The following WDR26 variants were observed in gnomAD, a reference collection of about 807,000 sequenced individuals.
WDR26 encodes WD repeat domain 26.
Under a neutral mutation model 84.1 loss-of-function variants are expected in WDR26, and 5 were observed. The observed-to-expected ratio is 0.06, with a 90% CI of 0.03 to 0.13. The LOEUF (loss-of-function observed/expected upper bound fraction) is 0.13, where lower values mean the gene tolerates loss of function less well. Ranked by LOEUF, WDR26 falls within the 10% of genes least tolerant of loss-of-function variation. The pLI is 1.00. For missense variants in WDR26, 642 were observed against 974.9 expected, an observed-to-expected ratio of 0.66 and a Z score of 4.55; for synonymous variants, 415 against 389.6, an observed-to-expected ratio of 1.07 and a Z score of -0.77.
chr1:224,399,711 AAT>A, intron 9 of WDR26, among the ~76,000 whole-genome samples: 1 of 152,252 alleles, frequency 6.6e-6, no homozygotes, highest in Non-Finnish European at 1.5e-5. Flanking sequence ...ATATTGAGAT[AAT>A]ATAACACCAA....
rs1673735395 is a variant in WDR26, at chr1:224,411,513, C to T, written c.1372G>A (p.Val458Met). 6.2e-7 allele frequency: 1 copy of T among 1,613,364 alleles called. No individual in the cohort carries two copies. Among genetic ancestry groups the T allele is most frequent in the African/African-American group, 1.3e-5 (1 of 75,012 alleles). The change falls in exon 7 of 14, where the codon GTG becomes ATG. Residue 458 changes from valine (V) to methionine (M), a missense_variant. Physicochemically the swap from Val to Met is conservative, Grantham distance 21. Around this residue, in one of 2 missense-constraint regions of WDR26, gnomAD observed 351 missense variants for 672.8 expected, o/e 0.52. Coordinates refer to ENST00000414423, the MANE Select transcript of WDR26 (RefSeq NM_001379403.1). ...TCATTAGAGAATTTACAGAACCACA[C>T]TTCATTACAATGCTCCGTAAGTATC...
intron 11 of WDR26, 97 bp downstream of exon 11, chr1:224,398,418 G>A (rs1673319696): frequency 7.0e-6 from 9 of 1,283,568 alleles, no homozygotes; most frequent in Admixed American, 2.7e-5. Context: ...TTAAGGGTAA[G>A]TAGAAAATTT....
intron 13 of WDR26, among the ~76,000 whole-genome samples, chr1:224,391,380 A>C (rs1379605063): frequency 1.2e-4 from 13 of 107,014 alleles, no homozygotes; most frequent in Admixed American, 8.3e-4. Context: ...AAAAAAAAAA[A>C]AAACAAAAAA....
At chr1:224,400,195 T>A (rs1233811419) in intron 9 of WDR26, among the ~76,000 whole-genome samples, 1 of 152,108 alleles carries the variant, frequency 6.6e-6, no homozygotes, top group African/African-American at 2.4e-5. Context: ...AGCTACTTAT[T>A]AGAAGCTGAC....
intron 7 of WDR26, among the ~76,000 whole-genome samples, chr1:224,408,173 T>G (rs1009030579): frequency 1.3e-5 from 2 of 152,224 alleles, no homozygotes; most frequent in Non-Finnish European, 2.9e-5. Context: ...TACCTAAAAC[T>G]CTTCCCCCAA....
At chr1:224,406,013 C>CA (rs1673540079) in intron 7 of WDR26, among the ~76,000 whole-genome samples, 1 of 151,948 alleles carries the variant, frequency 6.6e-6, no homozygotes, top group Admixed American at 6.6e-5. Context: ...AGTCAGTTCC[C>CA]AAAAAATGAG....
chr1:224,396,565 A>G (rs182246152), intron 12 of WDR26, among the ~76,000 whole-genome samples: 3 of 152,276 alleles, frequency 2.0e-5, no homozygotes, highest in Non-Finnish European at 2.9e-5. Context: ...GGAAAAAACT[A>G]AATTTCCTGA....
chr1:224,422,022 G>A (rs977595534), intron 4 of WDR26, among the ~76,000 whole-genome samples: 1 of 152,122 alleles, frequency 6.6e-6, no homozygotes, highest in Non-Finnish European at 1.5e-5. Context: ...CGATGCTGGA[G>A]CCATATCATA....
chr1:224,389,893 CG>C, intron 13 of WDR26, 33 bp from the exon 14 acceptor site: 2 of 111,876 alleles, frequency 1.8e-5, no homozygotes. Flanking sequence ...GTATGGGGGG[CG>C]GGCGGGGGAG....
intron 8 of WDR26, among the ~76,000 whole-genome samples, chr1:224,403,796 G>T (rs947411784): frequency 6.6e-6 from 1 of 152,144 alleles, no homozygotes; most frequent in African/African-American, 2.4e-5. Context: ...AATTAGCCAG[G>T]CGTTGTGGCG....
At chr1:224,395,165 C>T (rs1233022292) in intron 12 of WDR26, among the ~76,000 whole-genome samples, 3 of 152,140 alleles carry the variant, frequency 2.0e-5, no homozygotes, top group Admixed American at 6.5e-5. Flanking sequence ...TCTTTACAAC[C>T]CTTCACCTGT....
intron 3 of WDR26, among the ~76,000 whole-genome samples, chr1:224,427,242 T>C (rs1175368955): frequency 6.6e-6 from 1 of 152,126 alleles, no homozygotes; most frequent in Non-Finnish European, 1.5e-5. Flanking sequence ...ATGTAATTTC[T>C]TCACTAAATT....
intron 3 of WDR26, 114 bp from the exon 4 acceptor site, chr1:224,424,768 T>C: frequency 7.5e-7 from 1 of 1,339,540 alleles, no homozygotes; most frequent in East Asian, 2.4e-5. Flanking sequence ...GAAATAACTT[T>C]TTATAAAGCT....
intron 4 of WDR26, among the ~76,000 whole-genome samples, chr1:224,424,210 A>AT (rs1213096429): frequency 4.6e-5 from 7 of 152,200 alleles, no homozygotes; most frequent in Non-Finnish European, 8.8e-5. Flanking sequence ...ATATCATATG[A>AT]TTTTTATTTT....
rs1031848783 is a variant in WDR26, at chr1:224,398,419, T to C, written c.1944+96A>G. 13 of 1,284,328 alleles carry C rather than the reference T, an allele frequency of 1.0e-5. No individual in the cohort carries two copies. The South Asian group carries it at 1.2e-4, about 12-fold the overall frequency. The allele number at this position is 1,284,328 out of a possible 1,614,324, so 79.6% of individuals were successfully genotyped here. The stretch of plus-strand genomic sequence containing the variant: ...ACATGCAATCAAATTTAAGGGTAAG[T>C]AGAAAATTTTGTTAATATAAATACA... On this transcript the variant is annotated intron_variant, in intron 11 of 13. Transcript: ENST00000414423.
At chr1:224,397,397 AGT>A (rs1673296076) in intron 12 of WDR26, among the ~76,000 whole-genome samples, 1 of 152,228 alleles carries the variant, frequency 6.6e-6, no homozygotes, top group Non-Finnish European at 1.5e-5. Context: ...CCACTAGTTA[AGT>A]TCCTATCGCC....
intron 13 of WDR26, among the ~76,000 whole-genome samples, chr1:224,390,481 T>C (rs563250140): frequency 6.6e-6 from 1 of 152,348 alleles, no homozygotes; most frequent in South Asian, 2.1e-4. Flanking sequence ...TAAATTTTTA[T>C]GATAGCTACA....
intron 12 of WDR26, 131 bp from the exon 13 acceptor site, chr1:224,394,144 T>C (rs1673196634): frequency 1.6e-6 from 1 of 628,098 alleles, no homozygotes; most frequent in East Asian, 3.2e-5. Context: ...CATGAATAGT[T>C]TAACATGTTA....
chr1:224,398,744 T>A, intron 10 of WDR26, 145 bp downstream of exon 10: 1 of 1,213,286 alleles, frequency 8.2e-7, no homozygotes, highest in South Asian at 1.5e-5. Flanking sequence ...TCTGAGTTAC[T>A]GATTACTAAG....
Sources: allele counts gnomAD v4.1 joint callset (sites outside exome capture counted in the v4.1 genomes callset), GRCh38; gene constraint gnomAD v4.1.1; regional missense constraint gnomAD v4.1.1; transcripts MANE v1.5; gene names NCBI Gene and HGNC (gene_info 2026-07-23, HGNC 2026-07-21).